PTPN14: variants seen among roughly 807,000 people sequenced by gnomAD.
The protein encoded by PTPN14 is protein tyrosine phosphatase non-receptor type 14.
In PTPN14, 53 loss-of-function variants were observed where a neutral mutation model predicts 126.8. The ratio of observed to expected loss-of-function variants is 0.42; its 90% CI spans 0.34 to 0.53. The LOEUF (loss-of-function observed/expected upper bound fraction) is 0.53, where lower values mean the gene tolerates loss of function less well. Ranked by LOEUF, PTPN14 falls within the 20% of genes least tolerant of loss-of-function variation. The pLI is 0.08. For synonymous variants in PTPN14, 630 were observed against 599.3 expected, an observed-to-expected ratio of 1.05 and a Z score of -0.75; for missense variants, 1,257 against 1,552.9, an observed-to-expected ratio of 0.81 and a Z score of 3.20.
At chr1:214,482,668 C>T in intron 1 of PTPN14, 1 of 783,186 alleles carries the variant, frequency 1.3e-6, no homozygotes. Flanking sequence ...TGATTTTACA[C>T]AACTTCTATA....
At chr1:214,406,715 AAC>A (rs1223157869) in intron 5 of PTPN14, among the ~76,000 whole-genome samples, 1 of 152,174 alleles carries the variant, frequency 6.6e-6, no homozygotes, top group Non-Finnish European at 1.5e-5. Flanking sequence ...GTTTAGTGGA[AAC>A]ACAGTCTCAT....
chr1:214,527,626 A>AAT, intron 1 of PTPN14, among the ~76,000 whole-genome samples: 1 of 152,306 alleles, frequency 6.6e-6, no homozygotes, highest in East Asian at 1.9e-4. Flanking sequence ...TATTGACATA[A>AAT]CAGTGTTTCC....
intron 18 of PTPN14, among the ~76,000 whole-genome samples, chr1:214,362,683 G>A (rs1181716687): frequency 2.0e-5 from 3 of 152,202 alleles, no homozygotes; most frequent in African/African-American, 7.2e-5. Context: ...GAGTTGAAAA[G>A]GGGAAGTAGG....
rs190825308 is a variant in PTPN14 at position 214,453,378 on chromosome 1, G to A, written c.175-1404C>T. 8.5e-5 allele frequency among the ~76,000 whole-genome samples: 13 copies of A among 152,296 alleles called. No homozygotes were observed. In the East Asian group the frequency reaches 2.5e-3, roughly 29 times the overall value. On this transcript the variant is annotated intron_variant, in intron 2 of 18. Transcript: ENST00000366956. ...GCTGAATAGAAAGAAAACAGACTTG[G>A]AGGTCAGTCCATCTCCCATCTTTTG...
intron 3 of PTPN14, among the ~76,000 whole-genome samples, chr1:214,426,968 G>A (rs1022302193): frequency 4.6e-5 from 7 of 152,072 alleles, no homozygotes; most frequent in African/African-American, 1.7e-4. Context: ...AAAAATCTCA[G>A]CAGGCTTCTC....
In PTPN14 at chr1:214,358,019, A is replaced by G; in HGVS notation, c.3467T>C (p.Leu1156Pro). Reference sequence around the variant, plus strand: ...GATCATGAACATCCTCTGCTCCCTGAGGAGCCTCAGCATCATGGGCACTTC... The same window carrying G: ...GATCATGAACATCCTCTGCTCCCTGGGGAGCCTCAGCATCATGGGCACTTC... Reference protein sequence around the residue: ...KVEVPMMLRLLREQRMFMIQT... With the variant: ...KVEVPMMLRLPREQRMFMIQT... Residue 1156 changes from leucine to proline, a missense_variant, in exon 19 of 19, where the codon CTC becomes CCC. Physicochemically the swap from Leu to Pro is moderately conservative, Grantham distance 98. Coordinates refer to ENST00000366956, the MANE Select transcript of PTPN14 (RefSeq NM_005401.5). 6.2e-7 allele frequency: 1 copy of G among 1,613,696 alleles called. No individual in the cohort carries two copies. Among genetic ancestry groups the G allele is most frequent in the Non-Finnish European group, 8.5e-7 (1 of 1,179,932 alleles).
At position 214,406,896 on chromosome 1, in the gene PTPN14, G is replaced by A. The variant is rs181588468; in HGVS notation, c.511-3943C>T. On this transcript the variant is annotated intron_variant, in intron 5 of 18. Transcript: ENST00000366956. ...TCTTCCTAAAGGCAACGTAATAAAGGCCTTTAATGAGAGTAAGGCGAATAA... is the reference window on the plus strand; with the variant it reads ...TCTTCCTAAAGGCAACGTAATAAAGACCTTTAATGAGAGTAAGGCGAATAA... 2.6e-5 allele frequency among the ~76,000 whole-genome samples: 4 copies of A among 152,226 alleles called. No homozygotes were observed. In the East Asian group the frequency reaches 7.7e-4, roughly 29 times the overall value.
chr1:214,530,706 A>G (rs1655523027), intron 1 of PTPN14: 1 of 152,190 alleles, frequency 6.6e-6, no homozygotes, highest in African/African-American at 2.4e-5. Context: ...GAAGGAGAAT[A>G]TATTCCAAAG....
At chr1:214,438,633 G>A (rs1352366293) in intron 3 of PTPN14, among the ~76,000 whole-genome samples, 2 of 152,100 alleles carry the variant, frequency 1.3e-5, no homozygotes, top group African/African-American at 4.8e-5. Flanking sequence ...AGTGATTTGG[G>A]TTTTACTAAT....
At position 214,449,866 on chromosome 1, in the gene PTPN14, G is replaced by A. The variant is rs1434752161; in HGVS notation, c.344+1939C>T. Among the ~76,000 whole-genome samples, 6 of 151,652 alleles carry A rather than the reference G, an allele frequency of 4.0e-5. No homozygotes were observed. The East Asian group carries it at 9.7e-4, about 25-fold the overall frequency. On this transcript the variant is annotated intron_variant, in intron 3 of 18. Coordinates refer to ENST00000366956, the MANE Select transcript of PTPN14 (RefSeq NM_005401.5). The stretch of plus-strand genomic sequence containing the variant: ...AAAAATAAAAAAAAAAGGAAAGAAC[G>A]AAAGTGAAAAAAATAAGCACTTTGG...
intron 1 of PTPN14, among the ~76,000 whole-genome samples, chr1:214,526,848 T>C (rs1655412523): frequency 6.6e-6 from 1 of 152,066 alleles, no homozygotes; most frequent in Admixed American, 6.5e-5. Flanking sequence ...TCCCAGCACT[T>C]TCGGAGGCCA....
Position 214,377,978 on chromosome 1 carries a change from C to T in PTPN14, c.2669G>A (p.Arg890Gln), listed in dbSNP as rs1283057526. 8.1e-6 allele frequency: 13 copies of T among 1,612,938 alleles called. No individual in the cohort carries two copies. In the East Asian group the frequency reaches 1.1e-4, roughly 14 times the overall value. ...GREENRVDAT[R>Q]VPMDERFRTL... ...ACTTACCCTCTCGTCCATGGGAACC[C>T]GGGTGGCATCAACTCGATTCTCTTC... Residue 890 changes from arginine (R) to glutamine (Q), a missense_variant, in exon 14 of 19, where the codon CGG (arginine) becomes CAG (glutamine). Around this residue, in one of 3 missense-constraint regions of PTPN14, gnomAD observed 1,021 missense variants for 1,183.3 expected, o/e 0.86. Transcript: ENST00000366956.
intron 1 of PTPN14, among the ~76,000 whole-genome samples, chr1:214,487,321 G>A (rs1305669542): frequency 6.6e-6 from 1 of 152,072 alleles, no homozygotes; most frequent in East Asian, 1.9e-4. Context: ...ATTAAAGAAG[G>A]TGCATCAAAG....
chr1:214,369,385 C>G, intron 17 of PTPN14, 72 bp downstream of exon 17: 1 of 1,427,482 alleles, frequency 7.0e-7, no homozygotes, highest in Non-Finnish European at 9.8e-7. Flanking sequence ...TCCATTTCAT[C>G]TCCAACAGAT....
intron 12 of PTPN14, among the ~76,000 whole-genome samples, chr1:214,386,206 A>G (rs1047525838): frequency 6.6e-6 from 1 of 152,250 alleles, no homozygotes; most frequent in Non-Finnish European, 1.5e-5. Flanking sequence ...ATGACATAAG[A>G]CAATATATAG....
intron 17 of PTPN14, among the ~76,000 whole-genome samples, chr1:214,367,003 C>T (rs1403860370): frequency 6.7e-6 from 1 of 149,686 alleles, no homozygotes; most frequent in Non-Finnish European, 1.5e-5. Context: ...AAAAAAAATA[C>T]TATGTCTTTT....
chr1:214,485,338 T>C (rs1661087479), intron 1 of PTPN14, among the ~76,000 whole-genome samples: 1 of 152,218 alleles, frequency 6.6e-6, no homozygotes, highest in South Asian at 2.1e-4. Flanking sequence ...AACAGAGGAA[T>C]GCTTCTAGCG....
At chr1:214,361,492 T>A (rs747132628) in intron 18 of PTPN14, among the ~76,000 whole-genome samples, 11 of 152,144 alleles carry the variant, frequency 7.2e-5, no homozygotes, top group Non-Finnish European at 1.3e-4. Flanking sequence ...TAAAGATTCA[T>A]TCACTCCCAC....
intron 5 of PTPN14, among the ~76,000 whole-genome samples, chr1:214,403,239 C>T (rs576164569): frequency 1.2e-4 from 19 of 152,240 alleles, no homozygotes; most frequent in Middle Eastern, 3.4e-3. Context: ...CTTCCCTATC[C>T]GCCTGCCTCT....
Sources: gnomAD v4.1 joint callset for allele counts (sites outside exome capture counted in the v4.1 genomes callset) on GRCh38, gnomAD v4.1.1 for gene constraint, gnomAD v4.1.1 regional missense constraint, MANE v1.5 for transcripts, NCBI Gene and HGNC (gene_info 2026-07-23, HGNC 2026-07-21) for gene names.